INPP4A: variants seen among roughly 807,000 people sequenced by gnomAD.
The protein encoded by INPP4A is inositol polyphosphate-4-phosphatase type I A.
A neutral mutation model predicts 119.8 loss-of-function variants in INPP4A; 33 were observed. The observed-to-expected ratio is 0.28, with a 90% CI of 0.21 to 0.37. The LOEUF (loss-of-function observed/expected upper bound fraction) is 0.37, where lower values mean the gene tolerates loss of function less well. INPP4A is among the 10% of genes least tolerant of loss of function. The probability of loss-of-function intolerance (pLI) is 1.00; values close to 1 mark genes in which losing one functional copy is unlikely to be tolerated. For missense variants in INPP4A, 956 were observed against 1,289.9 expected (o/e 0.74, Z 3.97); for synonymous variants, 496 against 500.7 (o/e 0.99, Z 0.12).
rs961178395 is a variant in INPP4A, at chr2:98,510,654, G to C, written c.-165-8310G>C. Among the ~76,000 whole-genome samples, 3 of 152,076 alleles carry C rather than the reference G, an allele frequency of 2.0e-5. No individual in the cohort carries two copies. The South Asian group carries it at 6.2e-4, about 32-fold the overall frequency. ...CCACCTATGAGGCCAGAGCCCTCAGGGTCTAATCACCTCCCAAAGGCCCCG... is the reference window on the plus strand; with the variant it reads ...CCACCTATGAGGCCAGAGCCCTCAGCGTCTAATCACCTCCCAAAGGCCCCG... On this transcript the variant is annotated intron_variant, in intron 1 of 24. Coordinates refer to ENST00000409851, the MANE Select transcript of INPP4A (RefSeq NM_001134225.2).
rs1398665570 is a variant in INPP4A, at chr2:98,554,456, T to C, written c.1533T>C (p.Ser511=). 4 of 1,613,722 alleles carry C rather than the reference T, an allele frequency of 2.5e-6. No individual in the cohort carries two copies. In the South Asian group the frequency reaches 3.3e-5, roughly 13 times the overall value. ...GGTGGACAGGGAGAAACAGCCGATC[T>C]TCCCTGCAGGTGGACTGGCACGAGG... ...MARWTGRNSR[S]SLQVDWHEEE... Residue 511 remains serine, a synonymous_variant, in exon 15 of 25, where the codon TCT becomes TCC. Transcript: ENST00000409851. This position sits in a 1 kb window ranked among gnomAD's most constrained non-coding sequence, Gnocchi z 4.7.
intron 4 of INPP4A, among the ~76,000 whole-genome samples, chr2:98,529,713 G>T (rs1688848555): frequency 1.3e-5 from 2 of 152,124 alleles, no homozygotes; most frequent in African/African-American, 4.8e-5. Context: ...TCCAGCCTGG[G>T]CAACAGAGTG....
chr2:98,487,144 A>G lies in INPP4A; in HGVS notation c.-165-31820A>G, dbSNP rs117561089. Among the ~76,000 whole-genome samples, 101 of 152,360 alleles carry G rather than the reference A, an allele frequency of 6.6e-4. 2 individuals are homozygous for G. In the East Asian group the frequency reaches 0.01, roughly 15 times the overall value. On this transcript the variant is annotated intron_variant, in intron 1 of 24. Transcript: ENST00000409851. ...CTGCCAGGCTGTTGTTAACATGTTA[A>G]TCACCATGGTACATTGTAGTGTGTT... is the stretch of plus-strand genomic sequence containing the variant.
chr2:98,544,021 C>T lies in INPP4A; in HGVS notation c.949+14C>T, dbSNP rs1242080745. On this transcript the variant is annotated intron_variant, in intron 11 of 24. Coordinates refer to ENST00000409851, the MANE Select transcript of INPP4A (RefSeq NM_001134225.2). ...ATCAGTACAGAGGTGGGTGCACCCC[C>T]ATGCTGTCACCACACACGCGTGCGC... is the stretch of plus-strand genomic sequence containing the variant. The T allele has an allele frequency of 1.3e-6, 2 of 1,551,984 alleles. No homozygotes were observed. Among genetic ancestry groups the T allele is most frequent in the East Asian group, 2.4e-5 (1 of 40,992 alleles).
chr2:98,526,447 C>T (rs776772305), intron 4 of INPP4A, among the ~76,000 whole-genome samples: 2 of 152,066 alleles, frequency 1.3e-5, no homozygotes, highest in Non-Finnish European at 2.9e-5. Context: ...AAATAAAAAT[C>T]AGTTTATTAA....
At chr2:98,491,576 A>G (rs1021700177) in intron 1 of INPP4A, among the ~76,000 whole-genome samples, 2 of 152,238 alleles carry the variant, frequency 1.3e-5, no homozygotes, top group Non-Finnish European at 2.9e-5. Context: ...GAAAAGGTGC[A>G]GCAAGCCAGG....
At chr2:98,553,979 C>G (rs1694018240) in intron 14 of INPP4A, among the ~76,000 whole-genome samples, 1 of 152,212 alleles carries the variant, frequency 6.6e-6, no homozygotes, top group Non-Finnish European at 1.5e-5. Flanking sequence ...AGGCCCCTCC[C>G]CTAGCAATCA....
At chr2:98,513,117 C>G (rs1685445014) in intron 1 of INPP4A, among the ~76,000 whole-genome samples, 1 of 152,188 alleles carries the variant, frequency 6.6e-6, no homozygotes, top group Non-Finnish European at 1.5e-5. Context: ...TTGGAGTAGT[C>G]TCCAAAGTGG....
chr2:98,485,567 C>T (rs908362106), intron 1 of INPP4A, among the ~76,000 whole-genome samples: 7 of 152,234 alleles, frequency 4.6e-5, no homozygotes, highest in South Asian at 2.1e-4. Context: ...GTTGTCCCTC[C>T]GAGACTCAGG....
intron 23 of INPP4A, 65 bp downstream of exon 23, chr2:98,572,992 C>A: frequency 8.3e-7 from 1 of 1,201,950 alleles, no homozygotes; most frequent in Non-Finnish European, 1.2e-6. Context: ...ATGACAGAAA[C>A]ATTACAAAGT....
intron 16 of INPP4A, among the ~76,000 whole-genome samples, chr2:98,557,172 A>G (rs1694640396): frequency 6.6e-6 from 1 of 152,190 alleles, no homozygotes. Context: ...GTTTAAATAT[A>G]GATACATTTT....
chr2:98,577,188 T>G, intron 24 of INPP4A, 45 bp downstream of exon 24: 1 of 1,526,126 alleles, frequency 6.6e-7, no homozygotes, highest in South Asian at 1.2e-5. Flanking sequence ...CCCCGGCCCG[T>G]GTAAACTGCA....
In INPP4A at chr2:98,444,863, G is replaced by GAGC. The variant is rs1693875672; in HGVS notation, c.-387_-385dup. 6.6e-6 allele frequency: 1 copy of GAGC among 152,230 alleles called. No individual in the cohort carries two copies. Among genetic ancestry groups the GAGC allele is most frequent in the African/African-American group, 2.4e-5 (1 of 41,478 alleles). The allele number at this position is 152,230 out of a possible 1,614,324, so 9.4% of individuals were successfully genotyped here. On this transcript the variant is annotated 5_prime_UTR_variant, in exon 1 of 25. Transcript: ENST00000409851. ...AGGGCGGGGCTGCGCCCGGCGTCTAGAGCGGCGGCGGCTGGCTAGGGCTGC... is the reference window on the plus strand; with the variant it reads ...AGGGCGGGGCTGCGCCCGGCGTCTAGAGCAGCGGCGGCGGCTGGCTAGGGCTGC...
intron 1 of INPP4A, among the ~76,000 whole-genome samples, chr2:98,509,460 C>T (rs1308118490): frequency 6.6e-6 from 1 of 152,214 alleles, no homozygotes; most frequent in Non-Finnish European, 1.5e-5. Flanking sequence ...CGTCGCGAAA[C>T]CACTCCCCTT....
intron 13 of INPP4A, chr2:98,548,867 A>G (rs1479940395): frequency 1.8e-5 from 23 of 1,256,280 alleles, no homozygotes; most frequent in Non-Finnish European, 9.0e-6. Context: ...TTTGACAAAA[A>G]ATAAGTTGGC....
intron 24 of INPP4A, among the ~76,000 whole-genome samples, chr2:98,579,835 T>G (rs138097243): frequency 6.6e-6 from 1 of 152,364 alleles, no homozygotes; most frequent in Non-Finnish European, 1.5e-5. Context: ...ACAGTGAACA[T>G]GTATCACTTT....
chr2:98,524,991 T>C (rs1303286226), intron 4 of INPP4A, among the ~76,000 whole-genome samples: 1 of 152,212 alleles, frequency 6.6e-6, no homozygotes, highest in East Asian at 1.9e-4. Context: ...TCCAGTGTGC[T>C]CACTGGGTCT....
At chr2:98,565,973 C>A in intron 20 of INPP4A, 56 bp from the exon 21 acceptor site, 1 of 1,564,860 alleles carries the variant, frequency 6.4e-7, no homozygotes, top group East Asian at 2.3e-5. Flanking sequence ...GGCACTGCAG[C>A]CTGCTCGGTG....
intron 4 of INPP4A, among the ~76,000 whole-genome samples, chr2:98,522,309 AAAG>A (rs1404335192): frequency 3.3e-5 from 5 of 151,634 alleles, no homozygotes; most frequent in African/African-American, 7.2e-5. Flanking sequence ...AAAAAGAAAG[AAAG>A]AAATTATAAT....
Sources: gnomAD v4.1 joint callset for allele counts (sites outside exome capture counted in the v4.1 genomes callset) on GRCh38, gnomAD v4.1.1 for gene constraint, Gnocchi (gnomAD v3.1) non-coding constraint, MANE v1.5 for transcripts, NCBI Gene and HGNC (gene_info 2026-07-23, HGNC 2026-07-21) for gene names.